The following DTNA variants were observed in gnomAD, a reference collection of about 807,000 sequenced individuals.
DTNA encodes dystrobrevin alpha.
In DTNA, 43 loss-of-function variants were observed where a neutral mutation model predicts 100.7. The ratio of observed to expected loss-of-function variants is 0.43; its 90% CI spans 0.33 to 0.55. The LOEUF is 0.55. Ranked by LOEUF, DTNA falls within the 20% of genes least tolerant of loss-of-function variation. DTNA has a pLI of 0.04. For synonymous variants in DTNA, 349 were observed against 347.9 expected, an observed-to-expected ratio of 1.00 and a Z score of -0.04; for missense variants, 798 against 953.9, an observed-to-expected ratio of 0.84 and a Z score of 2.15.
intron 5 of DTNA, 64 bp downstream of exon 5, chr18:34,806,368 C>A: frequency 7.4e-7 from 1 of 1,360,022 alleles, no homozygotes; most frequent in East Asian, 2.3e-5. Context: ...TTTTCTCTCC[C>A]TCATTCCTCT....
At chr18:34,717,345 T>C (rs2084269371) in intron 1 of DTNA, among the ~76,000 whole-genome samples, 1 of 152,210 alleles carries the variant, frequency 6.6e-6, no homozygotes, top group Admixed American at 6.5e-5. Context: ...TTTTATTTAA[T>C]ATCGGAGGTT....
At chr18:34,584,045 C>G (rs1156894300) in intron 1 of DTNA, among the ~76,000 whole-genome samples, 1 of 152,148 alleles carries the variant, frequency 6.6e-6, no homozygotes, top group Non-Finnish European at 1.5e-5. Flanking sequence ...CCCTTCAAGC[C>G]TTCTTAGGTG....
rs182720679 is a variant in DTNA, at chr18:34,826,801, G to A, written c.1002-792G>A. ...GTAAAAATGGCTTGGAGATGAGATA[G>A]GGATCTTAGCCCTATCATTTTACCT... On this transcript the variant is annotated intron_variant, in intron 9 of 22. Coordinates refer to ENST00000444659, the MANE Select transcript of DTNA (RefSeq NM_001386795.1). Among the ~76,000 whole-genome samples, 6 of 152,204 alleles carry A rather than the reference G, an allele frequency of 3.9e-5. No homozygotes were observed. In the East Asian group the frequency reaches 1.2e-3, roughly 29 times the overall value.
intron 20 of DTNA, 24 bp downstream of exon 20, chr18:34,879,743 A>G (rs776105529): frequency 2.5e-6 from 4 of 1,613,600 alleles, no homozygotes; most frequent in East Asian, 2.2e-5. Flanking sequence ...GCTTGGAAGC[A>G]TTTTCTCAGT....
chr18:34,668,384 A>T (rs2076250328), intron 1 of DTNA, among the ~76,000 whole-genome samples: 1 of 152,096 alleles, frequency 6.6e-6, no homozygotes. Flanking sequence ...CAGATCCTGG[A>T]TTCGTTGATT....
chr18:34,866,533 C>T, intron 17 of DTNA: 1 of 1,126,140 alleles, frequency 8.9e-7, no homozygotes. Flanking sequence ...ACCCACAGCA[C>T]TCAGAAGCTA....
chr18:34,640,090 G>A (rs1263050484), intron 1 of DTNA, among the ~76,000 whole-genome samples: 1 of 152,182 alleles, frequency 6.6e-6, no homozygotes, highest in African/African-American at 2.4e-5. Context: ...CCTGATCTAA[G>A]TTTCAAACTC....
Position 34,791,277 on chromosome 18 carries a change from A to G in DTNA, c.149-2760A>G, listed in dbSNP as rs374242749. On this transcript the variant is annotated intron_variant, in intron 3 of 22. Coordinates refer to ENST00000444659, the MANE Select transcript of DTNA (RefSeq NM_001386795.1). ...TATACCCATCTCCCTCCCATGCTCA[A>G]GTTCCCAGTCCATGCTCCTCTCCCC... Among the ~76,000 whole-genome samples the G allele has an allele frequency of 3.3e-5, 5 of 152,150 alleles. No individual in the cohort carries two copies. The East Asian group carries it at 5.8e-4, about 18-fold the overall frequency.
Position 34,889,400 on chromosome 18 carries a change from C to T in DTNA, c.*1666C>T, listed in dbSNP as rs963606892. 10 of 985,172 alleles carry T rather than the reference C, an allele frequency of 1.0e-5. No individual in the cohort carries two copies. In the East Asian group the frequency reaches 3.4e-4, roughly 34 times the overall value. The allele number at this position is 985,172 out of a possible 1,614,324, so 61.0% of individuals were successfully genotyped here. The stretch of plus-strand genomic sequence containing the variant: ...CAACCCTCTAGGTGATTCTGATGCT[C>T]GCTAAAGGTTGAGAACTACTGCTTT... On this transcript the variant is annotated 3_prime_UTR_variant, in exon 23 of 23. Coordinates refer to ENST00000444659, the MANE Select transcript of DTNA (RefSeq NM_001386795.1).
intron 5 of DTNA, among the ~76,000 whole-genome samples, chr18:34,808,844 A>G (rs895343399): frequency 2.0e-5 from 3 of 152,274 alleles, no homozygotes; most frequent in South Asian, 2.1e-4. Flanking sequence ...TAAGTTTTCT[A>G]GTCTGCAGAA....
chr18:34,501,295 A>G lies in DTNA; in HGVS notation c.-2+7781A>G, dbSNP rs559012093. On this transcript the variant is annotated intron_variant, in intron 1 of 19. Coordinates refer to the DTNA transcript ENST00000283365. ...TTTTTAACTATTGGACCAGCCTTGC[A>G]TCCTTGCAATAAACTCCATTTATTC... Among the ~76,000 whole-genome samples, 6 of 152,340 alleles carry G rather than the reference A, an allele frequency of 3.9e-5. No homozygotes were observed. In the East Asian group the frequency reaches 9.7e-4, roughly 25 times the overall value.
rs148381452 is a variant in DTNA, at chr18:34,658,425, T to C, written c.-1-97551T>C. On this transcript the variant is annotated intron_variant, in intron 1 of 19. Transcript: ENST00000283365. ...TGGAGCGCAGTGGCGTGATCTTGGC[T>C]CACTGTAATCTCTGCCCCCCGGGTT... 1.4e-4 allele frequency among the ~76,000 whole-genome samples: 22 copies of C among 152,320 alleles called. No homozygotes were observed. The East Asian group carries it at 4.2e-3, about 29-fold the overall frequency.
At chr18:34,807,754 T>C (rs2095397548) in intron 5 of DTNA, among the ~76,000 whole-genome samples, 2 of 152,036 alleles carry the variant, frequency 1.3e-5, no homozygotes, top group Admixed American at 6.6e-5. Flanking sequence ...TTCTCTTTTG[T>C]TAGCCTGAAA....
intron 1 of DTNA, among the ~76,000 whole-genome samples, chr18:34,559,081 G>C (rs1462825157): frequency 3.3e-5 from 5 of 152,134 alleles, no homozygotes; most frequent in African/African-American, 1.2e-4. Flanking sequence ...AACATTATTT[G>C]ATAACTAAGT....
intron 1 of DTNA, among the ~76,000 whole-genome samples, chr18:34,725,484 A>C (rs2086438239): frequency 6.6e-6 from 1 of 152,224 alleles, no homozygotes; most frequent in Non-Finnish European, 1.5e-5. Context: ...GCAGCCAGCA[A>C]ACTTATGAAA....
At position 34,890,201 on chromosome 18, in the gene DTNA, A is replaced by G. The variant is rs1694632313; in HGVS notation, c.*2467A>G. The G allele has an allele frequency of 4.1e-6, 6 of 1,453,700 alleles. No individual in the cohort carries two copies. Among genetic ancestry groups the G allele is most frequent in the Middle Eastern group, 2.4e-4 (1 of 4,204 alleles). The allele number at this position is 1,453,700 out of a possible 1,614,324, so 90.1% of individuals were successfully genotyped here. On this transcript the variant is annotated 3_prime_UTR_variant, in exon 23 of 23. Coordinates refer to ENST00000444659, the MANE Select transcript of DTNA (RefSeq NM_001386795.1). ...TTTCATTGCCAACCAACTCCATCACATGGTTGTTGATATCGTCATATAAAG... is the reference window on the plus strand; with the variant it reads ...TTTCATTGCCAACCAACTCCATCACGTGGTTGTTGATATCGTCATATAAAG...
At chr18:34,858,477 A>C in intron 16 of DTNA, 79 bp downstream of exon 16, 1 of 1,433,114 alleles carries the variant, frequency 7.0e-7, no homozygotes. Flanking sequence ...GTCTAGCCAG[A>C]AAACAGTCCT....
intron 1 of DTNA, among the ~76,000 whole-genome samples, chr18:34,712,842 A>G (rs1006307207): frequency 2.6e-5 from 4 of 152,122 alleles, no homozygotes; most frequent in African/African-American, 9.7e-5. Flanking sequence ...TACTAAGGAG[A>G]CAGATATTTA....
At chr18:34,790,567 ATT>A (rs1212453384) in intron 3 of DTNA, among the ~76,000 whole-genome samples, 242 of 39,608 alleles carry the variant, frequency 6.1e-3, no homozygotes, top group Middle Eastern at 0.048. Context: ...ATATATATAT[ATT>A]TTTTTTTTTT....
Sources: allele counts gnomAD v4.1 joint callset (sites outside exome capture counted in the v4.1 genomes callset), GRCh38; gene constraint gnomAD v4.1.1; transcripts MANE v1.5; gene names NCBI Gene and HGNC (gene_info 2026-07-23, HGNC 2026-07-21).